Variants in ADCY2 observed in about 807,000 individuals in gnomAD.
The protein encoded by ADCY2 is adenylate cyclase type 2.
In ADCY2, 31 loss-of-function variants were observed where a neutral mutation model predicts 125.2. That is an observed-to-expected ratio of 0.25 (90% CI 0.19 to 0.33). The LOEUF is 0.33. Ranked by LOEUF, ADCY2 falls within the 10% of genes least tolerant of loss-of-function variation. The pLI is 1.00. For synonymous variants in ADCY2, 512 were observed against 548.4 expected (o/e 0.93, Z 0.93); for missense variants, 904 against 1,418.2 (o/e 0.64, Z 5.82).
chr5:7,748,519 AACACACAC>A (rs35989915), intron 15 of ADCY2, among the ~76,000 whole-genome samples: 25 of 90,116 alleles, frequency 2.8e-4, no homozygotes, highest in African/African-American at 8.9e-4. Flanking sequence ...CCCACCCTCC[AACACACAC>A]ACACACACAC....
chr5:7,736,888 GC>G (rs769913313), intron 14 of ADCY2, among the ~76,000 whole-genome samples: 13 of 151,962 alleles, frequency 8.6e-5, no homozygotes, highest in Non-Finnish European at 1.6e-4. Flanking sequence ...TTAATTGAAG[GC>G]CAATATAATT....
intron 20 of ADCY2, chr5:7,798,267 G>A (rs1184520148): frequency 6.6e-6 from 1 of 152,246 alleles, no homozygotes; most frequent in East Asian, 1.9e-4. Flanking sequence ...GGATGTCCAG[G>A]GATGGGCGAA....
At chr5:7,476,947 A>G (rs970164976) in intron 2 of ADCY2, among the ~76,000 whole-genome samples, 4 of 152,192 alleles carry the variant, frequency 2.6e-5, no homozygotes, top group Non-Finnish European at 5.9e-5. Flanking sequence ...CAGAAAAAGA[A>G]ATATTGTGTC....
At chr5:7,735,834 C>T (rs982950321) in intron 14 of ADCY2, among the ~76,000 whole-genome samples, 14 of 152,192 alleles carry the variant, frequency 9.2e-5, no homozygotes, top group South Asian at 2.1e-4. Context: ...GGCTTCAGAA[C>T]GAGTTAAGAA....
At chr5:7,577,764 C>G (rs1736295362) in intron 3 of ADCY2, among the ~76,000 whole-genome samples, 1 of 152,106 alleles carries the variant, frequency 6.6e-6, no homozygotes, top group Non-Finnish European at 1.5e-5. Flanking sequence ...ACCTCTAAAA[C>G]AGTAGAAAAG....
chr5:7,398,765 A>T (rs940518795), intron 1 of ADCY2, among the ~76,000 whole-genome samples: 21 of 152,234 alleles, frequency 1.4e-4, no homozygotes, highest in Admixed American at 6.5e-5. Flanking sequence ...AGTCGGAAGG[A>T]GCTATGCCTA....
intron 4 of ADCY2, among the ~76,000 whole-genome samples, chr5:7,637,147 G>A (rs994848605): frequency 6.6e-6 from 1 of 152,040 alleles, no homozygotes; most frequent in Non-Finnish European, 1.5e-5. Flanking sequence ...GAAGGGATGG[G>A]TACAAGGGTT....
At chr5:7,673,605 C>T (rs1740014641) in intron 4 of ADCY2, among the ~76,000 whole-genome samples, 1 of 152,060 alleles carries the variant, frequency 6.6e-6, no homozygotes, top group African/African-American at 2.4e-5. Flanking sequence ...GCATCCCTGC[C>T]CTCTGCCCAC....
intron 14 of ADCY2, among the ~76,000 whole-genome samples, chr5:7,727,882 C>T (rs1297135167): frequency 1.3e-5 from 2 of 152,106 alleles, no homozygotes; most frequent in South Asian, 2.1e-4. Flanking sequence ...AAACGAATCG[C>T]TTTATGATCC....
intron 2 of ADCY2, among the ~76,000 whole-genome samples, chr5:7,433,106 G>T (rs981272965): frequency 2.0e-5 from 3 of 152,154 alleles, no homozygotes; most frequent in African/African-American, 4.8e-5. Flanking sequence ...GAGATTTGGT[G>T]ACTCGCCAAA....
At chr5:7,707,125 A>G (rs1487479866) in intron 8 of ADCY2, among the ~76,000 whole-genome samples, 1 of 152,246 alleles carries the variant, frequency 6.6e-6, no homozygotes, top group African/African-American at 2.4e-5. Context: ...TGTGAATATC[A>G]GACAGTAAAT....
chr5:7,445,204 C>T (rs540641152), intron 2 of ADCY2, among the ~76,000 whole-genome samples: 3 of 152,304 alleles, frequency 2.0e-5, no homozygotes, highest in African/African-American at 4.8e-5. Flanking sequence ...CTTTCATGAG[C>T]TCAGTTTTAC....
rs749765547 is a variant in ADCY2, at chr5:7,414,692, G to T, written c.330G>T (p.Ser110=). 4 of 1,613,906 alleles carry T rather than the reference G, an allele frequency of 2.5e-6. No homozygotes were observed. The South Asian group carries it at 3.3e-5, about 13-fold the overall frequency. Reference sequence around the variant, plus strand: ...TTAAGAAGCTGCTGCGCCTCTTCTCGTTGGTGATATGGATATGCCTTGTTG... The same window carrying T: ...TTAAGAAGCTGCTGCGCCTCTTCTCTTTGGTGATATGGATATGCCTTGTTG... ...SVFKKLLRLF[S]LVIWICLVAM... The change falls in exon 2 of 25, where the codon TCG becomes TCT. Residue 110 remains serine, a synonymous_variant. Transcript: ENST00000338316.
chr5:7,547,441 A>G (rs1183166039), intron 3 of ADCY2, among the ~76,000 whole-genome samples: 1 of 152,172 alleles, frequency 6.6e-6, no homozygotes, highest in Non-Finnish European at 1.5e-5. Context: ...AGTCATAGGT[A>G]TGGGTCTCGC....
At chr5:7,573,588 ATTT>A (rs1561102712) in intron 3 of ADCY2, among the ~76,000 whole-genome samples, 1 of 94,622 alleles carries the variant, frequency 1.1e-5, no homozygotes, top group Non-Finnish European at 2.2e-5. Context: ...TACAGGGTTG[ATTT>A]TCTTTTTTTT....
At chr5:7,565,676 A>G (rs1026692845) in intron 3 of ADCY2, among the ~76,000 whole-genome samples, 1 of 152,156 alleles carries the variant, frequency 6.6e-6, no homozygotes, top group African/African-American at 2.4e-5. Context: ...CTATATAACA[A>G]TGTAGACCAG....
chr5:7,773,256 T>C (rs572041799), intron 18 of ADCY2, among the ~76,000 whole-genome samples, 155 bp downstream of exon 18: 1 of 152,322 alleles, frequency 6.6e-6, no homozygotes, highest in Admixed American at 6.5e-5. Flanking sequence ...AAAGACAATA[T>C]GTGTTTTTGT....
chr5:7,467,333 C>G (rs1435982858), intron 2 of ADCY2, among the ~76,000 whole-genome samples: 3 of 152,326 alleles, frequency 2.0e-5, no homozygotes, highest in Non-Finnish European at 4.4e-5. Context: ...TCCCTCTTCT[C>G]CTACACTTCC....
At chr5:7,459,605 A>G (rs1472274297) in intron 2 of ADCY2, among the ~76,000 whole-genome samples, 3 of 152,054 alleles carry the variant, frequency 2.0e-5, no homozygotes, top group Admixed American at 1.3e-4. Flanking sequence ...CGTTGGGATC[A>G]GTGTTATGTT....
Sources: allele counts gnomAD v4.1 joint callset (sites outside exome capture counted in the v4.1 genomes callset), GRCh38; gene constraint gnomAD v4.1.1; transcripts MANE v1.5; gene names NCBI Gene and HGNC (gene_info 2026-07-23, HGNC 2026-07-21).